Variants in PTBP1 observed in about 807,000 individuals in gnomAD.
PTBP1 encodes polypyrimidine tract binding protein 1.
In PTBP1, 8 loss-of-function variants were observed where a neutral mutation model predicts 59.8. That is an observed-to-expected ratio of 0.13 (90% CI 0.08 to 0.24). The LOEUF (loss-of-function observed/expected upper bound fraction) is 0.24. Among genes scored for constraint, PTBP1 ranks in the 10% least tolerant of loss-of-function variants. The pLI is 1.00. For synonymous variants in PTBP1, 490 were observed against 320.7 expected (o/e 1.53, Z -5.64); for missense variants, 686 against 767.0 (o/e 0.89, Z 1.25).
At chr19:800,106 T>C (rs1229517992) in intron 2 of PTBP1, among the ~76,000 whole-genome samples, 1 of 150,554 alleles carries the variant, frequency 6.6e-6, no homozygotes, top group South Asian at 2.1e-4. Flanking sequence ...TTTGTATTTT[T>C]TTTTTTTTTT....
chr19:805,310 G>A (rs1375957084), intron 8 of PTBP1, 123 bp downstream of exon 8: 6 of 1,270,872 alleles, frequency 4.7e-6, no homozygotes, highest in Non-Finnish European at 5.5e-6. Context: ...TCTCTGCACG[G>A]CCAGCACAGC....
In PTBP1 at chr19:808,649, G is replaced by A; in HGVS notation, c.1350G>A (p.Gln450=). 1 of 1,612,078 alleles carries A rather than the reference G, an allele frequency of 6.2e-7. No individual in the cohort carries two copies. The highest frequency in any genetic ancestry group is 8.5e-7 in the Non-Finnish European group (1 of 1,179,936). ...VQLPREGQED[Q]GLTKDYGNSP... Reference sequence around the variant, plus strand: ...TGCCCCGCGAGGGCCAGGAGGACCAGGGCCTGACCAAGGACTACGGCAACT... The same window carrying A: ...TGCCCCGCGAGGGCCAGGAGGACCAAGGCCTGACCAAGGACTACGGCAACT... The change falls in exon 13 of 15, where the codon CAG becomes CAA. Residue 450 remains glutamine, a synonymous_variant. Transcript: ENST00000356948. This position sits in a 1 kb window ranked among gnomAD's most constrained non-coding sequence, Gnocchi z 4.7.
intron 2 of PTBP1, among the ~76,000 whole-genome samples, chr19:802,179 A>G (rs532152585): frequency 3.3e-5 from 5 of 152,264 alleles, no homozygotes; most frequent in Non-Finnish European, 5.9e-5. Flanking sequence ...CCTGTTCCCC[A>G]TCCTCCTTGA....
chr19:802,384 T>TG (rs967436590), intron 2 of PTBP1, among the ~76,000 whole-genome samples: 1 of 125,514 alleles, frequency 8.0e-6, no homozygotes. Flanking sequence ...CCAGCGTTGG[T>TG]GGGGGCTCTT....
In PTBP1 at chr19:808,015, G is replaced by A. The variant is rs1237390056; in HGVS notation, c.1153+113G>A. 3.0e-6 allele frequency: 3 copies of A among 997,544 alleles called. No individual in the cohort carries two copies. The highest frequency in any genetic ancestry group is 1.3e-5 in the South Asian group (1 of 75,968). 61.8% of individuals were successfully genotyped at this position (997,544 alleles called of 1,614,324 possible). On this transcript the variant is annotated intron_variant, in intron 11 of 14. Coordinates refer to ENST00000356948, the MANE Select transcript of PTBP1 (RefSeq NM_002819.5). This position sits in a 1 kb window ranked among gnomAD's most constrained non-coding sequence, Gnocchi z 4.7. ...GGCACTCTGATGCTCCGTGGCATCC[G>A]CCTCGTTTTATGGTTTGCTTTCGGT...
chr19:806,248 G>C, intron 9 of PTBP1, 160 bp from the exon 10 acceptor site: 1 of 734,058 alleles, frequency 1.4e-6, no homozygotes, highest in Non-Finnish European at 2.0e-6. Context: ...TGGCTGTGCG[G>C]GGGTCGGACG....
chr19:803,676 T>C, intron 3 of PTBP1, 40 bp downstream of exon 3: 1 of 1,546,796 alleles, frequency 6.5e-7, no homozygotes, highest in Non-Finnish European at 8.9e-7. Context: ...CCCGTGGGTG[T>C]CTTTCCCTGG....
intron 6 of PTBP1, 22 bp from the exon 7 acceptor site, chr19:804,807 T>TG (rs767952310): frequency 6.2e-7 from 1 of 1,609,222 alleles, no homozygotes; most frequent in East Asian, 2.2e-5. Context: ...CAGGAGCTCA[T>TG]GCTGTGGCCC....
chr19:810,357 G>T (rs754747864), intron 13 of PTBP1, among the ~76,000 whole-genome samples, 186 bp from the exon 14 acceptor site: 3 of 152,164 alleles, frequency 2.0e-5, no homozygotes, highest in African/African-American at 4.8e-5. Flanking sequence ...ACTTGTAGAT[G>T]CCTGGTTTCG....
chr19:797,876 C>G (rs935319931), intron 1 of PTBP1, among the ~76,000 whole-genome samples: 6 of 148,862 alleles, frequency 4.0e-5, no homozygotes, highest in African/African-American at 1.5e-4. Flanking sequence ...CCCTTCCCGC[C>G]TCCCGTCCGC....
At position 803,622 on chromosome 19, in the gene PTBP1, A is replaced by G; in HGVS notation, c.101A>G (p.Asn34Ser). The change falls in exon 3 of 15, where the codon AAC (asparagine) becomes AGC (serine). Residue 34 changes from asparagine (N) to serine (S), a missense_variant. By Grantham distance (46) the Asn-to-Ser change is conservative (BLOSUM62 1). Transcript: ENST00000356948. ...AACGGACCGTTTATCATGAGCAGCA[A>G]CTCGGCTTCTGCAGGTAAGGCCGGG... ...VTNGPFIMSS[N>S]SASAANGNDS... 6.2e-7 allele frequency: 1 copy of G among 1,613,882 alleles called. No homozygotes were observed. Among genetic ancestry groups the G allele is most frequent in the Non-Finnish European group, 8.5e-7 (1 of 1,179,930 alleles).
intron 1 of PTBP1, among the ~76,000 whole-genome samples, chr19:797,908 C>T (rs865828244): frequency 1.3e-5 from 2 of 148,802 alleles, no homozygotes; most frequent in Non-Finnish European, 3.0e-5. Context: ...GCCTGCGTAG[C>T]CCGTCGCGCG....
At chr19:807,692 C>T in intron 10 of PTBP1, 177 bp from the exon 11 acceptor site, 2 of 577,358 alleles carry the variant, frequency 3.5e-6, no homozygotes, top group Non-Finnish European at 6.2e-6. Flanking sequence ...CCCCCTCAAA[C>T]CCTGCTCTCC....
Position 803,520 on chromosome 19 carries a change from C to T in PTBP1, c.40-41C>T, listed in dbSNP as rs746487157. 6.4e-6 allele frequency: 10 copies of T among 1,574,354 alleles called. No individual in the cohort carries two copies. In the South Asian group the frequency reaches 1.1e-4, roughly 17 times the overall value. ...GCCGGTGGGGAAGGGAGGCTCTGGC[C>T]TGGTGGGAAGTGCAGCTCCGCGTTG... On this transcript the variant is annotated intron_variant, in intron 2 of 14. Coordinates refer to ENST00000356948, the MANE Select transcript of PTBP1 (RefSeq NM_002819.5).
intron 1 of PTBP1, 61 bp from the exon 2 acceptor site, chr19:799,348 AGCTG>A (rs765415267): frequency 2.0e-6 from 3 of 1,505,456 alleles, no homozygotes; most frequent in Non-Finnish European, 2.8e-6. Context: ...GCCCGGGGAC[AGCTG>A]GGTGCTCCTG....
At position 809,355 on chromosome 19, in the gene PTBP1, GCT is replaced by G. The variant is rs538694155; in HGVS notation, c.1463+596_1463+597del. ...TTTACTTATTTTGAGATGGAGTCAC[GCT>G]CTGTCGCCCAGGCTGGAGTGCAGTG... On this transcript the variant is annotated intron_variant, in intron 13 of 14. Transcript: ENST00000356948. Among the ~76,000 whole-genome samples the G allele has an allele frequency of 6.6e-5, 10 of 150,586 alleles. No individual in the cohort carries two copies. In the South Asian group the frequency reaches 1.3e-3, roughly 19 times the overall value.
chr19:806,369 CG>C, intron 9 of PTBP1, 38 bp from the exon 10 acceptor site: 2 of 1,569,188 alleles, frequency 1.3e-6, no homozygotes, highest in South Asian at 1.2e-5. Context: ...GCGGTGGAGT[CG>C]GGGGCGCCGC....
chr19:799,181 A>G (rs577035291), intron 1 of PTBP1, among the ~76,000 whole-genome samples: 1 of 152,190 alleles, frequency 6.6e-6, no homozygotes, highest in African/African-American at 2.4e-5. Flanking sequence ...TCCTGCTGGG[A>G]GGGAGGGGCG....
In PTBP1 at chr19:805,256, G is replaced by T. The variant is rs572941428; in HGVS notation, c.892+69G>T. On this transcript the variant is annotated intron_variant, in intron 8 of 14. Coordinates refer to ENST00000356948, the MANE Select transcript of PTBP1 (RefSeq NM_002819.5). ...TTAGGGCCGCTCAGTCCGGAGCCCC[G>T]GCGGCACGGGCCCGGCCCTGCACCA... 5.2e-6 allele frequency: 8 copies of T among 1,549,192 alleles called. No individual in the cohort carries two copies. In the East Asian group the frequency reaches 1.8e-4, roughly 35 times the overall value.
Sources: gnomAD v4.1 joint callset for allele counts (sites outside exome capture counted in the v4.1 genomes callset) on GRCh38, gnomAD v4.1.1 for gene constraint, Gnocchi (gnomAD v3.1) non-coding constraint, MANE v1.5 for transcripts, NCBI Gene and HGNC (gene_info 2026-07-23, HGNC 2026-07-21) for gene names.